Variants in PRKDC observed in about 807,000 individuals in gnomAD.
PRKDC encodes DNA-dependent protein kinase catalytic subunit.
Under a neutral mutation model 486.9 loss-of-function variants are expected in PRKDC, and 82 were observed. That is an observed-to-expected ratio of 0.17 (90% CI 0.14 to 0.20). PRKDC has a LOEUF of 0.20. Among genes scored for constraint, PRKDC ranks in the 10% least tolerant of loss-of-function variants. PRKDC has a pLI of 1.00. For synonymous variants in PRKDC, 1,895 were observed against 1,837.0 expected (o/e 1.03, Z -0.81); for missense variants, 4,504 against 5,038.2 (o/e 0.89, Z 3.21).
intron 54 of PRKDC, among the ~76,000 whole-genome samples, chr8:47,841,770 G>A (rs561622042): frequency 5.3e-4 from 80 of 152,330 alleles, no homozygotes; most frequent in African/African-American, 1.6e-3. Flanking sequence ...GCATCTGCCT[G>A]AGGGACCCTG....
At chr8:47,942,510 C>T (rs2090461192) in intron 10 of PRKDC, among the ~76,000 whole-genome samples, 1 of 152,216 alleles carries the variant, frequency 6.6e-6, no homozygotes, top group Admixed American at 6.5e-5. Context: ...GCTAACACAA[C>T]TGCCACACTG....
rs770714843 is a variant in PRKDC at position 47,794,308 on chromosome 8, T to C, written c.10652A>G (p.Asn3551Ser). 3.1e-6 allele frequency: 5 copies of C among 1,612,408 alleles called. No individual in the cohort carries two copies. The South Asian group carries it at 3.3e-5, about 11-fold the overall frequency. ...TACCTACCTTGCCACAAACTCCTTA[T>C]TCTTATGACCAGTAGAAGTATCCTT... ...SFKDTSTGHK[N>S]KEFVARIKSK... is the part of the protein sequence containing the mutation. The change falls in exon 74 of 86, where the codon AAT (asparagine) becomes AGT (serine). Residue 3551 changes from asparagine to serine, a missense_variant. Around this residue, in one of 6 missense-constraint regions of PRKDC, gnomAD observed 706 missense variants for 945.0 expected, o/e 0.75. Coordinates refer to ENST00000314191, the MANE Select transcript of PRKDC (RefSeq NM_006904.7).
Position 47,837,361 on chromosome 8 carries a change from G to T in PRKDC, c.7612C>A (p.Arg2538=), listed in dbSNP as rs375122519. ...ETRLPSNTLD[R]LLALNSLYSP... ...TATAAGGAATTTAGTGCCAGCAACC[G>T]GTCCAAGGTATTTGAAGGTAACCTA... The change falls in exon 57 of 86, where the codon CGG becomes AGG. Residue 2538 remains arginine (R), a synonymous_variant. Coordinates refer to ENST00000314191, the MANE Select transcript of PRKDC (RefSeq NM_006904.7). 2.5e-6 allele frequency: 4 copies of T among 1,612,796 alleles called. No homozygotes were observed. The African/African-American group carries it at 5.3e-5, about 22-fold the overall frequency.
In PRKDC at chr8:47,836,381, C is replaced by T; in HGVS notation, c.7908G>A (p.Arg2636=). 6.2e-7 allele frequency: 1 copy of T among 1,607,820 alleles called. No individual in the cohort carries two copies. The highest frequency in any genetic ancestry group is 1.7e-4 in the Middle Eastern group (1 of 6,036). ...TGAAGTCATGCTGCTGCTGGGTGGC[C>T]CTTATCTGCCCTGCCACTGGCCAGC... The part of the protein sequence containing the change: ...SARWPVAGQI[R]ATQQQHDFTL... Residue 2636 remains arginine (R), a synonymous_variant, in exon 58 of 86, where the codon AGG becomes AGA. Coordinates refer to ENST00000314191, the MANE Select transcript of PRKDC (RefSeq NM_006904.7).
At chr8:47,804,080 C>T (rs1433264620) in intron 69 of PRKDC, among the ~76,000 whole-genome samples, 3 of 152,172 alleles carry the variant, frequency 2.0e-5, no homozygotes, top group Non-Finnish European at 4.4e-5. Flanking sequence ...TTCAGAGTCA[C>T]TACCCAGCCA....
chr8:47,817,914 A>G (rs1417559655), intron 67 of PRKDC, among the ~76,000 whole-genome samples: 1 of 152,216 alleles, frequency 6.6e-6, no homozygotes, highest in Non-Finnish European at 1.5e-5. Flanking sequence ...TCTGATCTTC[A>G]TTGGTATAGG....
chr8:47,891,768 AGAATATTGG>A (rs2089463359), intron 31 of PRKDC, among the ~76,000 whole-genome samples: 1 of 152,234 alleles, frequency 6.6e-6, no homozygotes, highest in African/African-American at 2.4e-5. Flanking sequence ...TGAATCCAAT[AGAATATTGG>A]ATTGTAAGAC....
rs1175710051 is a variant in PRKDC, at chr8:47,821,761, T to C, written c.8954A>G (p.Glu2985Gly). ...ALNKQDWVDG[E>G]PTEAEKDFWE... ...AAAATCCTTCTCGGCTTCTGTGGGCTCACCATCTACCCAGTCTTGTTTATT... is the reference window on the plus strand; with the variant it reads ...AAAATCCTTCTCGGCTTCTGTGGGCCCACCATCTACCCAGTCTTGTTTATT... Residue 2985 changes from glutamate (E) to glycine (G), a missense_variant, in exon 65 of 86, where the codon GAG (glutamate) becomes GGG (glycine). Physicochemically the swap from Glu to Gly is moderately conservative, Grantham distance 98. This residue lies in a region of PRKDC where 1,592 missense variants were observed against 1,724.6 expected (regional missense o/e 0.92). Coordinates refer to ENST00000314191, the MANE Select transcript of PRKDC (RefSeq NM_006904.7). The C allele has an allele frequency of 3.1e-6, 5 of 1,590,218 alleles. No homozygotes were observed. Among genetic ancestry groups the C allele is most frequent in the Admixed American group, 1.8e-5 (1 of 54,912 alleles).
chr8:47,819,513 TAAAAAAAAAAA>T lies in PRKDC; in HGVS notation c.9337-14_9337-4del. ...AGGACATCAATACTAGAATAATTCTTAAAAAAAAAAAAAAAAAAAAAGGGCATTTACAAATG... is the reference window on the plus strand; with the variant it reads ...AGGACATCAATACTAGAATAATTCTTAAAAAAAAAAGGGCATTTACAAATG... On this transcript the variant is annotated splice_region_variant and splice_polypyrimidine_tract_variant and intron_variant, in intron 66 of 85. Coordinates refer to ENST00000314191, the MANE Select transcript of PRKDC (RefSeq NM_006904.7). 2 of 551,778 alleles carry T rather than the reference TAAAAAAAAAAA, an allele frequency of 3.6e-6. No homozygotes were observed. The highest frequency in any genetic ancestry group is 5.3e-6 in the Non-Finnish European group (2 of 374,564). The allele number at this position is 551,778 out of a possible 1,614,324, so 34.2% of individuals were successfully genotyped here.
At chr8:47,825,481 C>T (rs755635229) in intron 63 of PRKDC, among the ~76,000 whole-genome samples, 2 of 112,618 alleles carry the variant, frequency 1.8e-5, no homozygotes. Context: ...TGCACTCCAA[C>T]TGGCGACAGA....
chr8:47,946,808 A>G (rs959040429), intron 7 of PRKDC, among the ~76,000 whole-genome samples: 3 of 152,128 alleles, frequency 2.0e-5, no homozygotes, highest in Admixed American at 2.0e-4. Context: ...AGGTTTCTAC[A>G]AAAAACCCGG....
Position 47,944,007 on chromosome 8 carries a change from A to T in PRKDC, c.744T>A (p.Ile248=). ...MEEDPQTSRE[I]FNFVLKAIRP... ...GAATTGCCTTTAGTACAAAATTAAA[A>T]ATCTCCCTTGAAGTCTGGGGATCTA... The change falls in exon 8 of 86, where the codon ATT becomes ATA. Residue 248 remains isoleucine (I), a synonymous_variant. Transcript: ENST00000314191. The T allele has an allele frequency of 6.4e-7, 1 of 1,564,436 alleles. No individual in the cohort carries two copies. Among genetic ancestry groups the T allele is most frequent in the South Asian group, 1.2e-5 (1 of 85,004 alleles).
intron 21 of PRKDC, among the ~76,000 whole-genome samples, chr8:47,925,535 G>A (rs2090143662): frequency 6.6e-6 from 1 of 152,158 alleles, no homozygotes; most frequent in African/African-American, 2.4e-5. Context: ...TCTAAACCAG[G>A]AAAAATGCAG....
At position 47,824,000 on chromosome 8, in the gene PRKDC, C is replaced by G; in HGVS notation, c.8784-4G>C. On this transcript the variant is annotated splice_region_variant and splice_polypyrimidine_tract_variant and intron_variant, in intron 63 of 85. Transcript: ENST00000314191. ...TTCTCCAATTGATCTATACAGCCTA[C>G]AAAACAAATCAAAAAGGCCAAATCA... is the stretch of plus-strand genomic sequence containing the variant. 1 of 1,571,652 alleles carries G rather than the reference C, an allele frequency of 6.4e-7. No individual in the cohort carries two copies. The highest frequency in any genetic ancestry group is 8.7e-7 in the Non-Finnish European group (1 of 1,155,382).
At chr8:47,856,957 C>T (rs1269820026) in intron 49 of PRKDC, among the ~76,000 whole-genome samples, 199 bp downstream of exon 49, 1 of 152,296 alleles carries the variant, frequency 6.6e-6, no homozygotes, top group Admixed American at 6.5e-5. Flanking sequence ...CAAGGTCAGA[C>T]GAATTACCAA....
intron 26 of PRKDC, among the ~76,000 whole-genome samples, chr8:47,903,649 C>T (rs1428980587): frequency 6.6e-6 from 1 of 152,286 alleles, no homozygotes; most frequent in South Asian, 2.1e-4. Flanking sequence ...GCCGTGCTAC[C>T]GAGTTCATGC....
chr8:47,947,589 G>A (rs2090555709), intron 7 of PRKDC, among the ~76,000 whole-genome samples: 1 of 152,184 alleles, frequency 6.6e-6, no homozygotes, highest in Non-Finnish European at 1.5e-5. Flanking sequence ...CCGACATGGT[G>A]AAACCCCATC....
At chr8:47,791,560 T>C (rs2086884689) in intron 74 of PRKDC, among the ~76,000 whole-genome samples, 1 of 152,036 alleles carries the variant, frequency 6.6e-6, no homozygotes, top group Non-Finnish European at 1.5e-5. Flanking sequence ...CATTTTAAAA[T>C]GGGGCAAAGG....
intron 7 of PRKDC, among the ~76,000 whole-genome samples, chr8:47,948,133 T>C (rs1042369241): frequency 1.3e-5 from 2 of 149,150 alleles, no homozygotes; most frequent in African/African-American, 5.0e-5. Context: ...CACGCGTTTA[T>C]ATATATGTAT....
Sources: allele counts gnomAD v4.1 joint callset (sites outside exome capture counted in the v4.1 genomes callset), GRCh38; gene constraint gnomAD v4.1.1; regional missense constraint gnomAD v4.1.1; transcripts MANE v1.5; gene names NCBI Gene and HGNC (gene_info 2026-07-23, HGNC 2026-07-21).